Variants in PARD3 observed in about 807,000 individuals in gnomAD.
The protein encoded by PARD3 is partitioning defective 3 homolog.
In PARD3, 75 loss-of-function variants were observed where a neutral mutation model predicts 155.4. The observed-to-expected ratio is 0.48, with a 90% confidence interval of 0.40 to 0.58. PARD3 has a LOEUF of 0.58. Ranked by LOEUF, PARD3 falls within the 20% of genes least tolerant of loss-of-function variation. The pLI, the probability that PARD3 is intolerant of heterozygous loss-of-function variation, is 0.00. For missense variants in PARD3, 1,642 were observed against 1,721.7 expected (o/e 0.95, Z 0.82); for synonymous variants, 576 against 610.5 (o/e 0.94, Z 0.83).
chr10:34,599,642 C>A (rs1241870211), intron 2 of PARD3, among the ~76,000 whole-genome samples: 1 of 152,144 alleles, frequency 6.6e-6, no homozygotes, highest in Non-Finnish European at 1.5e-5. Context: ...AAATAGCCAA[C>A]AACTGAAGAG....
At chr10:34,165,970 C>T (rs1183593978) in intron 22 of PARD3, among the ~76,000 whole-genome samples, 1 of 152,146 alleles carries the variant, frequency 6.6e-6, no homozygotes, top group Non-Finnish European at 1.5e-5. Context: ...TCTCACTAAC[C>T]TTCCTCTATT....
intron 3 of PARD3, among the ~76,000 whole-genome samples, chr10:34,488,228 A>C (rs2079604945): frequency 6.6e-6 from 1 of 152,204 alleles, no homozygotes; most frequent in South Asian, 2.1e-4. Flanking sequence ...TGAGGTGTTA[A>C]ACTTCCACTG....
intron 1 of PARD3, among the ~76,000 whole-genome samples, chr10:34,705,488 A>AG (rs1300282546): frequency 2.5e-5 from 3 of 117,790 alleles, no homozygotes; most frequent in South Asian, 3.1e-4. Context: ...ACCCTGTCTC[A>AG]GGAAAAAAAA....
intron 2 of PARD3, among the ~76,000 whole-genome samples, chr10:34,621,945 AAGAGTTATCAATCAAT>A (rs1290254622): frequency 6.6e-6 from 1 of 152,232 alleles, no homozygotes; most frequent in Non-Finnish European, 1.5e-5. Context: ...GTTGAAGAAA[AAGAGTTATCAATCAAT>A]ACGTGACTAT....
At chr10:34,697,660 G>A (rs753765930) in intron 1 of PARD3, among the ~76,000 whole-genome samples, 25 of 151,972 alleles carry the variant, frequency 1.6e-4, no homozygotes, top group Non-Finnish European at 3.4e-4. Context: ...AAACATTACC[G>A]TTAAAACCAT....
At chr10:34,249,080 T>G (rs1954136735) in intron 22 of PARD3, among the ~76,000 whole-genome samples, 1 of 152,222 alleles carries the variant, frequency 6.6e-6, no homozygotes, top group Non-Finnish European at 1.5e-5. Context: ...AGACCAGCAT[T>G]ACGTTTCCTG....
At chr10:34,326,809 A>G (rs1835079134) in intron 19 of PARD3, among the ~76,000 whole-genome samples, 1 of 152,214 alleles carries the variant, frequency 6.6e-6, no homozygotes, top group South Asian at 2.1e-4. Context: ...ATCTCTTAAT[A>G]AGAGCTCTAT....
intron 2 of PARD3, among the ~76,000 whole-genome samples, chr10:34,548,330 A>C (rs1402682335): frequency 1.3e-5 from 2 of 151,614 alleles, no homozygotes; most frequent in Non-Finnish European, 2.9e-5. Flanking sequence ...CTCTACTAAA[A>C]ACACACACAC....
chr10:34,302,252 C>T (rs1177661786), intron 20 of PARD3, among the ~76,000 whole-genome samples: 1 of 152,120 alleles, frequency 6.6e-6, no homozygotes, highest in Non-Finnish European at 1.5e-5. Flanking sequence ...TTTAGTGGCA[C>T]TTACTTACCA....
chr10:34,808,590 A>C (rs548233867), intron 1 of PARD3, among the ~76,000 whole-genome samples: 1 of 152,212 alleles, frequency 6.6e-6, no homozygotes, highest in East Asian at 1.9e-4. Context: ...CCGATGGAAA[A>C]TTACCTATAG....
At chr10:34,598,549 C>T (rs1423404336) in intron 2 of PARD3, among the ~76,000 whole-genome samples, 2 of 152,132 alleles carry the variant, frequency 1.3e-5, no homozygotes, top group African/African-American at 4.8e-5. Flanking sequence ...TTTTTTAAAT[C>T]GAGGGAAGAG....
At position 34,800,471 on chromosome 10, in the gene PARD3, C is replaced by G. The variant is rs547546294; in HGVS notation, c.120+14405G>C. On this transcript the variant is annotated intron_variant, in intron 1 of 24. Coordinates refer to ENST00000374788, the MANE Select transcript of PARD3 (RefSeq NM_001184785.2). ...CTAAAAATACAAAAAATTAGCCAGG[C>G]GTGGTAGTGGGCACCTGTAATCCCA... Among the ~76,000 whole-genome samples, 22 of 150,402 alleles carry G rather than the reference C, an allele frequency of 1.5e-4. No homozygotes were observed. In the South Asian group the frequency reaches 3.4e-3, roughly 23 times the overall value.
chr10:34,627,515 G>A (rs1281272324), intron 2 of PARD3, among the ~76,000 whole-genome samples: 2 of 152,204 alleles, frequency 1.3e-5, no homozygotes, highest in Non-Finnish European at 2.9e-5. Context: ...AAAAGGGGAA[G>A]TGTGAACACA....
intron 24 of PARD3, among the ~76,000 whole-genome samples, chr10:34,115,063 A>G (rs1051248593): frequency 2.0e-5 from 3 of 152,200 alleles, no homozygotes; most frequent in Non-Finnish European, 2.9e-5. Context: ...ACTCAAACCA[A>G]AGATCTGATG....
chr10:34,441,583 T>C (rs1037182964), intron 5 of PARD3, among the ~76,000 whole-genome samples: 3 of 152,188 alleles, frequency 2.0e-5, no homozygotes, highest in African/African-American at 7.2e-5. Context: ...CTGGTACTCC[T>C]AAAAGTAACC....
chr10:34,183,849 G>C (rs535301053), intron 22 of PARD3, among the ~76,000 whole-genome samples: 1 of 152,092 alleles, frequency 6.6e-6, no homozygotes. Flanking sequence ...ACCACTCCAC[G>C]TATGTACGTG....
intron 2 of PARD3, among the ~76,000 whole-genome samples, chr10:34,672,473 T>C (rs1323826870): frequency 2.6e-5 from 4 of 152,210 alleles, no homozygotes; most frequent in Non-Finnish European, 5.9e-5. Context: ...CAGTTCTCAA[T>C]ATGTACCGTG....
At chr10:34,419,116 T>C (rs1186713452) in intron 5 of PARD3, among the ~76,000 whole-genome samples, 3 of 152,052 alleles carry the variant, frequency 2.0e-5, no homozygotes, top group African/African-American at 4.8e-5. Flanking sequence ...AAAATTAAAT[T>C]TAAAAAACAG....
chr10:34,642,755 G>A (rs993931701), intron 2 of PARD3, among the ~76,000 whole-genome samples: 1 of 151,718 alleles, frequency 6.6e-6, no homozygotes, highest in African/African-American at 2.4e-5. Context: ...TCTCAAATCT[G>A]GCCACTTTGC....
Sources: gnomAD v4.1 joint callset for allele counts (sites outside exome capture counted in the v4.1 genomes callset) on GRCh38, gnomAD v4.1.1 for gene constraint, MANE v1.5 for transcripts, NCBI Gene and HGNC (gene_info 2026-07-23, HGNC 2026-07-21) for gene names.